The following DDC variants were observed in gnomAD, a reference collection of about 807,000 sequenced individuals.
DDC encodes aromatic-L-amino-acid decarboxylase.
DDC carries 43 observed loss-of-function variants against 60.0 expected under a neutral mutation model. The ratio of observed to expected loss-of-function variants is 0.72; its 90% CI spans 0.56 to 0.92. The LOEUF (loss-of-function observed/expected upper bound fraction) is 0.92, where lower values mean the gene tolerates loss of function less well. DDC is among the 40% of genes least tolerant of loss of function. The pLI is 0.00. For synonymous variants in DDC, 232 were observed against 234.6 expected, an observed-to-expected ratio of 0.99 and a Z score of 0.10; for missense variants, 573 against 620.2, an observed-to-expected ratio of 0.92 and a Z score of 0.81.
chr7:50,467,272 T>A lies in DDC; in HGVS notation c.1184A>T (p.Asp395Val). 2 of 1,614,186 alleles carry A rather than the reference T, an allele frequency of 1.2e-6. No homozygotes were observed. Among genetic ancestry groups the A allele is most frequent in the Non-Finnish European group, 1.7e-6 (2 of 1,180,022 alleles). ...TTCCACACAGATTTCAAAGCGGGGA[T>A]CCTGGCGCACCAGTGACTCAAACTC... ...SHEFESLVRQ[D>V]PRFEICVEVI... The change falls in exon 13 of 15, where the codon GAT becomes GTT. Residue 395 changes from aspartate (D) to valine (V), a missense_variant. Physicochemically the swap from Asp to Val is radical, Grantham distance 152 (BLOSUM62 -3). Coordinates refer to ENST00000444124, the MANE Select transcript of DDC (RefSeq NM_001082971.2).
chr7:50,553,484 C>CTTTTTTTTTTTTTTTTTTTTTTTTTTTT (rs5884158), intron 1 of DDC, among the ~76,000 whole-genome samples: 9 of 90,938 alleles, frequency 9.9e-5, no homozygotes, highest in Admixed American at 2.9e-4. Context: ...TCTTTCTTTT[C>CTTTTTTTTTTTTTTTTTTTTTTTTTTTT]TTTTTTTTTT....
intron 13 of DDC, among the ~76,000 whole-genome samples, chr7:50,466,032 A>G (rs2042387745): frequency 6.6e-6 from 1 of 152,234 alleles, no homozygotes; most frequent in African/African-American, 2.4e-5. Context: ...CAGAGCTCCA[A>G]GAGTCAGGTG....
At chr7:50,486,131 C>G (rs1249226425) in intron 9 of DDC, among the ~76,000 whole-genome samples, 1 of 152,176 alleles carries the variant, frequency 6.6e-6, no homozygotes, top group Non-Finnish European at 1.5e-5. Flanking sequence ...ACAGCTTGAA[C>G]AAAAGTGACC....
intron 1 of DDC, among the ~76,000 whole-genome samples, chr7:50,556,457 T>C (rs1023021495): frequency 2.0e-5 from 3 of 152,144 alleles, no homozygotes; most frequent in Non-Finnish European, 2.9e-5. Context: ...TATTTCCTAA[T>C]ACATTGCAGG....
chr7:50,463,989 G>A (rs985011263), intron 13 of DDC, among the ~76,000 whole-genome samples: 2 of 152,074 alleles, frequency 1.3e-5, no homozygotes, highest in African/African-American at 4.8e-5. Flanking sequence ...AGAGTTGGAA[G>A]CCTGGTATCA....
intron 1 of DDC, among the ~76,000 whole-genome samples, chr7:50,554,764 C>T (rs541389957): frequency 3.3e-5 from 5 of 152,278 alleles, no homozygotes; most frequent in Admixed American, 6.5e-5. Context: ...CCCAGGTTCC[C>T]GCAGCATTCT....
At chr7:50,492,843 C>T in intron 9 of DDC, 1 of 1,544,056 alleles carries the variant, frequency 6.5e-7, no homozygotes, top group South Asian at 1.2e-5. Flanking sequence ...GATGAGCGCA[C>T]AGCCGCCAAC....
intron 8 of DDC, among the ~76,000 whole-genome samples, chr7:50,498,032 C>T (rs578193055): frequency 7.9e-5 from 12 of 152,298 alleles, no homozygotes; most frequent in South Asian, 2.1e-4. Context: ...TTTTCTAAGA[C>T]GTAGTAGAAA....
At chr7:50,489,888 A>G (rs73351255) in intron 9 of DDC, among the ~76,000 whole-genome samples, 79 of 152,360 alleles carry the variant, frequency 5.2e-4, no homozygotes, top group African/African-American at 1.8e-3. Context: ...TATGGAAATT[A>G]TATATTTTGG....
chr7:50,501,712 A>C (rs1316438234), intron 7 of DDC, among the ~76,000 whole-genome samples: 1 of 152,216 alleles, frequency 6.6e-6, no homozygotes, highest in Non-Finnish European at 1.5e-5. Context: ...GAGGGAAAGT[A>C]GGTAAAAGGG....
At chr7:50,471,602 G>A (rs1466171520) in intron 11 of DDC, among the ~76,000 whole-genome samples, 3 of 151,444 alleles carry the variant, frequency 2.0e-5, no homozygotes, top group Non-Finnish European at 4.4e-5. Flanking sequence ...TCTCCTTTGA[G>A]CTTCCTAGCA....
At chr7:50,518,407 C>T (rs1196831690) in intron 6 of DDC, among the ~76,000 whole-genome samples, 1 of 151,836 alleles carries the variant, frequency 6.6e-6, no homozygotes, top group African/African-American at 2.4e-5. Context: ...TCATATGAAA[C>T]CAAAAAAGAG....
intron 4 of DDC, 81 bp from the exon 5 acceptor site, chr7:50,529,423 T>C: frequency 6.5e-7 from 1 of 1,537,168 alleles, no homozygotes; most frequent in Admixed American, 1.7e-5. Flanking sequence ...ACATATTGTT[T>C]TGTGTCCATA....
intron 13 of DDC, among the ~76,000 whole-genome samples, chr7:50,463,843 T>C (rs2042338351): frequency 6.6e-6 from 1 of 152,148 alleles, no homozygotes; most frequent in African/African-American, 2.4e-5. Flanking sequence ...AAATGAAGCA[T>C]AACGGTCAAG....
chr7:50,488,716 C>G (rs1403532604), intron 9 of DDC, among the ~76,000 whole-genome samples: 1 of 151,968 alleles, frequency 6.6e-6, no homozygotes, highest in Non-Finnish European at 1.5e-5. Flanking sequence ...ATTAAAAATA[C>G]ACTAATAAAC....
At chr7:50,537,068 C>T (rs1210048566) in intron 4 of DDC, among the ~76,000 whole-genome samples, 2 of 144,522 alleles carry the variant, frequency 1.4e-5, no homozygotes, top group Non-Finnish European at 3.0e-5. Flanking sequence ...TGCATCAAGT[C>T]CAAGTCATCC....
intron 2 of DDC, among the ~76,000 whole-genome samples, chr7:50,541,159 T>C (rs1403056956): frequency 6.6e-6 from 1 of 152,238 alleles, no homozygotes; most frequent in Non-Finnish European, 1.5e-5. Flanking sequence ...CTGTTCCGCA[T>C]TGTCCCCTGC....
intron 9 of DDC, chr7:50,492,882 G>T (rs2043034319): frequency 6.3e-7 from 1 of 1,587,328 alleles, no homozygotes; most frequent in African/African-American, 1.3e-5. Context: ...CAGCGTCTGC[G>T]GCAGCCTCGG....
At chr7:50,491,867 A>G (rs1425093083) in intron 9 of DDC, among the ~76,000 whole-genome samples, 3 of 152,066 alleles carry the variant, frequency 2.0e-5, no homozygotes, top group Non-Finnish European at 4.4e-5. Context: ...CCTCAAAATC[A>G]TCTTTGGGGA....
Sources: gnomAD v4.1 joint callset for allele counts (sites outside exome capture counted in the v4.1 genomes callset) on GRCh38, gnomAD v4.1.1 for gene constraint, MANE v1.5 for transcripts, NCBI Gene and HGNC (gene_info 2026-07-23, HGNC 2026-07-21) for gene names.